Variants in ABI2 observed in about 807,000 individuals in gnomAD.
ABI2 encodes abl interactor 2.
In ABI2, 25 loss-of-function variants were observed where a neutral mutation model predicts 59.2. The observed-to-expected ratio is 0.42, with a 90% CI of 0.31 to 0.59. The LOEUF is 0.59. Among genes scored for constraint, ABI2 ranks in the 20% least tolerant of loss-of-function variants. The pLI is 0.14. For missense variants in ABI2, 545 were observed against 681.8 expected, an observed-to-expected ratio of 0.80 and a Z score of 2.23; for synonymous variants, 213 against 235.5, an observed-to-expected ratio of 0.90 and a Z score of 0.87.
intron 9 of ABI2, among the ~76,000 whole-genome samples, chr2:203,407,431 C>A (rs1179259611): frequency 6.6e-6 from 1 of 152,124 alleles, no homozygotes; most frequent in Non-Finnish European, 1.5e-5. Flanking sequence ...GTCTAATATT[C>A]TCAGAGTATT....
chr2:203,368,984 A>AATTTTTTTTTTTTTTTTTTTTTTTTT lies in ABI2; in HGVS notation c.285+1940_285+1941insATTTTTTTTTTTTTTTTTTTTTTTTT, dbSNP rs1312712237. 3.6e-4 allele frequency among the ~76,000 whole-genome samples: 33 copies of AATTTTTTTTTTTTTTTTTTTTTTTTT among 91,118 alleles called. 16 individuals carry two copies. The highest frequency in any genetic ancestry group is 3.3e-4 in the Non-Finnish European group (16 of 48,338). The allele number at this position is 91,118 out of a possible 152,430, so 59.8% of individuals were successfully genotyped here. On this transcript the variant is annotated intron_variant, in intron 2 of 11. Transcript: ENST00000261018. ...TACAGGCACGTGCCATGCTTGGCTG[A>AATTTTTTTTTTTTTTTTTTTTTTTTT]TTTTTTTTTTTTTTTTTTTTTTTTT...
At chr2:203,391,008 C>T in intron 4 of ABI2, 38 bp from the exon 5 acceptor site, 1 of 1,534,602 alleles carries the variant, frequency 6.5e-7, no homozygotes, top group Non-Finnish European at 9.0e-7. Flanking sequence ...CACTTTATTT[C>T]ACTGCATACA....
intron 9 of ABI2, chr2:203,403,448 A>T (rs2097301238): frequency 6.5e-6 from 1 of 154,630 alleles, no homozygotes; most frequent in African/African-American, 2.4e-5. Flanking sequence ...GGTTCAACTC[A>T]TTCCATTTTT....
chr2:203,414,569 A>G (rs2097815283), intron 10 of ABI2, among the ~76,000 whole-genome samples: 1 of 152,236 alleles, frequency 6.6e-6, no homozygotes, highest in Admixed American at 6.5e-5. Flanking sequence ...CTTAAAGCAC[A>G]CACTACACTC....
intron 2 of ABI2, chr2:203,376,086 C>A: frequency 1.3e-6 from 2 of 1,534,730 alleles, no homozygotes; most frequent in Non-Finnish European, 1.7e-6. Context: ...CTTGAGTCGA[C>A]TTTTGTGACC....
At chr2:203,346,658 C>T (rs2083800600) in intron 1 of ABI2, among the ~76,000 whole-genome samples, 1 of 152,220 alleles carries the variant, frequency 6.6e-6, no homozygotes, top group African/African-American at 2.4e-5. Context: ...TTCTCTTTCT[C>T]ATTCCATGTT....
intron 1 of ABI2, among the ~76,000 whole-genome samples, chr2:203,341,994 CAT>C (rs1163485073): frequency 6.6e-6 from 1 of 152,072 alleles, no homozygotes; most frequent in East Asian, 1.9e-4. Flanking sequence ...CCTATTATAA[CAT>C]ATTAGATGAG....
chr2:203,339,098 G>A (rs1458562001), intron 1 of ABI2, among the ~76,000 whole-genome samples: 2 of 148,316 alleles, frequency 1.3e-5, no homozygotes, highest in African/African-American at 2.5e-5. Context: ...ACACACAGGC[G>A]TCCAACAGGT....
At chr2:203,411,027 TTA>T (rs1336314501) in intron 9 of ABI2, among the ~76,000 whole-genome samples, 4 of 151,374 alleles carry the variant, frequency 2.6e-5, no homozygotes, top group Non-Finnish European at 4.4e-5. Context: ...AAACATACGA[TTA>T]TGTTATATAT....
At chr2:203,360,606 A>C (rs894985369) in intron 1 of ABI2, among the ~76,000 whole-genome samples, 5 of 152,196 alleles carry the variant, frequency 3.3e-5, no homozygotes. Context: ...AAAATGGAGA[A>C]TTTAGATACC....
intron 9 of ABI2, among the ~76,000 whole-genome samples, chr2:203,404,623 A>G (rs1304506109): frequency 6.6e-6 from 1 of 152,142 alleles, no homozygotes; most frequent in Non-Finnish European, 1.5e-5. Context: ...CAGTGGTACA[A>G]TCTCGGCTCA....
intron 1 of ABI2, chr2:203,329,313 G>C: frequency 1.4e-5 from 1 of 70,902 alleles, no homozygotes; most frequent in East Asian, 2.3e-4. Context: ...TTCTTAGAGA[G>C]AATTGGGAAG....
intron 1 of ABI2, 84 bp from the exon 2 acceptor site, chr2:203,366,793 G>A (rs756875606): frequency 3.0e-5 from 40 of 1,344,476 alleles, no homozygotes; most frequent in South Asian, 2.0e-4. Context: ...CAGCAGAATC[G>A]TTGTGATGAG....
At chr2:203,371,414 T>C (rs943303635) in intron 2 of ABI2, among the ~76,000 whole-genome samples, 2 of 152,236 alleles carry the variant, frequency 1.3e-5, no homozygotes, top group African/African-American at 4.8e-5. Flanking sequence ...ATTAGGAATA[T>C]ATAGTATCAG....
chr2:203,350,170 G>A (rs62183944), intron 1 of ABI2, among the ~76,000 whole-genome samples: 2 of 152,266 alleles, frequency 1.3e-5, no homozygotes, highest in South Asian at 2.1e-4. Flanking sequence ...TCTGTCTCCC[G>A]GATTCAAGCC....
At chr2:203,332,866 G>A (rs1245650303) in intron 1 of ABI2, among the ~76,000 whole-genome samples, 1 of 152,100 alleles carries the variant, frequency 6.6e-6, no homozygotes, top group Non-Finnish European at 1.5e-5. Flanking sequence ...TGATTTTTGT[G>A]AGTGACAGTT....
chr2:203,395,552 A>G, intron 6 of ABI2, 104 bp from the exon 7 acceptor site: 1 of 1,289,926 alleles, frequency 7.8e-7, no homozygotes, highest in Non-Finnish European at 1.0e-6. Context: ...ACGCTTTTGA[A>G]TTACCTTTAT....
chr2:203,395,284 A>G (rs2153397767), intron 6 of ABI2, among the ~76,000 whole-genome samples: 1 of 152,190 alleles, frequency 6.6e-6, no homozygotes. Context: ...TCAGATAGGC[A>G]TTAAACTGGA....
rs376662974 is a variant in ABI2 at position 203,331,934 on chromosome 2, C to A, written c.117+3303C>A. 2.6e-5 allele frequency among the ~76,000 whole-genome samples: 4 copies of A among 151,568 alleles called. No individual in the cohort carries two copies. The South Asian group carries it at 6.2e-4, about 24-fold the overall frequency. On this transcript the variant is annotated intron_variant, in intron 1 of 11. Coordinates refer to ENST00000261018, the MANE Select transcript of ABI2 (RefSeq NM_001375670.1). ...AAGTGATTGTCCTGCCTCAGCCTCC[C>A]GAGTAGCTGGGATTACAGGCACGTG... is the stretch of plus-strand genomic sequence containing the variant.
Sources: gnomAD v4.1 joint callset for allele counts (sites outside exome capture counted in the v4.1 genomes callset) on GRCh38, gnomAD v4.1.1 for gene constraint, MANE v1.5 for transcripts, NCBI Gene and HGNC (gene_info 2026-07-23, HGNC 2026-07-21) for gene names.